TMEM135: variants seen among roughly 807,000 people sequenced by gnomAD.
TMEM135 encodes the protein transmembrane protein 135.
Under a neutral mutation model 60.3 loss-of-function variants are expected in TMEM135, and 30 were observed. The observed-to-expected ratio is 0.50, with a 90% CI of 0.37 to 0.68. The LOEUF (loss-of-function observed/expected upper bound fraction) is 0.68, where lower values mean the gene tolerates loss of function less well. Among genes scored for constraint, TMEM135 ranks in the 30% least tolerant of loss-of-function variants. TMEM135 has a pLI of 0.00. For missense variants in TMEM135, 468 were observed against 548.8 expected (o/e 0.85, Z 1.47); for synonymous variants, 190 against 186.7 (o/e 1.02, Z -0.14).
chr11:87,168,805 T>C (rs1280788233), intron 5 of TMEM135, among the ~76,000 whole-genome samples: 1 of 152,222 alleles, frequency 6.6e-6, no homozygotes, highest in Non-Finnish European at 1.5e-5. Flanking sequence ...GAGATTTCTG[T>C]AGATGTCTAT....
rs574291216 is a variant in TMEM135, at chr11:87,237,404, A to G, written c.509+720A>G. On this transcript the variant is annotated intron_variant, in intron 6 of 14. Coordinates refer to ENST00000305494, the MANE Select transcript of TMEM135 (RefSeq NM_022918.4). ...CCCTCATTTGGATAGATCTTTTTAT[A>G]TATTTATGGATCTAGCAAAATTCAG... Among the ~76,000 whole-genome samples, 5 of 151,974 alleles carry G rather than the reference A, an allele frequency of 3.3e-5. No individual in the cohort carries two copies. The East Asian group carries it at 5.8e-4, about 18-fold the overall frequency.
chr11:87,319,629 C>T (rs1236792365), intron 14 of TMEM135, among the ~76,000 whole-genome samples: 1 of 151,038 alleles, frequency 6.6e-6, no homozygotes, highest in African/African-American at 2.5e-5. Flanking sequence ...TACATAAATA[C>T]TTAAGTCTGA....
intron 4 of TMEM135, among the ~76,000 whole-genome samples, chr11:87,093,898 T>G (rs2512387): frequency 0.41 from 61,830 of 151,904 alleles, 13,709 homozygotes; most frequent in East Asian, 0.65. Context: ...TATTTTAATT[T>G]TAAAAAGATG....
chr11:87,274,719 A>G (rs1057083107), intron 6 of TMEM135, among the ~76,000 whole-genome samples: 15 of 151,300 alleles, frequency 9.9e-5, no homozygotes, highest in African/African-American at 3.6e-4. Context: ...CCAGCAGCTC[A>G]GGAGACTGAG....
chr11:87,150,338 C>G (rs1032713722), intron 4 of TMEM135, among the ~76,000 whole-genome samples: 14 of 152,126 alleles, frequency 9.2e-5, no homozygotes, highest in African/African-American at 3.4e-4. Context: ...CAACCACTTG[C>G]AGTCTTTGCC....
At chr11:87,287,987 A>G (rs1159268624) in intron 6 of TMEM135, among the ~76,000 whole-genome samples, 3 of 152,174 alleles carry the variant, frequency 2.0e-5, no homozygotes, top group Admixed American at 2.0e-4. Flanking sequence ...TACAAATAAT[A>G]TATAAATTTA....
intron 5 of TMEM135, among the ~76,000 whole-genome samples, chr11:87,235,050 G>T (rs1940966738): frequency 1.3e-5 from 2 of 151,726 alleles, no homozygotes; most frequent in Non-Finnish European, 2.9e-5. Context: ...TGTCCAACGG[G>T]GATTGAATGA....
intron 4 of TMEM135, among the ~76,000 whole-genome samples, chr11:87,146,988 A>G (rs544037526): frequency 6.6e-6 from 1 of 152,176 alleles, no homozygotes. Flanking sequence ...AAATCTTTCT[A>G]TAAGATGATG....
chr11:87,093,062 C>G (rs1366006059), intron 4 of TMEM135, among the ~76,000 whole-genome samples: 3 of 152,014 alleles, frequency 2.0e-5, no homozygotes, highest in Non-Finnish European at 4.4e-5. Flanking sequence ...TTTTGGAACT[C>G]CTTTGAGATA....
intron 6 of TMEM135, among the ~76,000 whole-genome samples, chr11:87,272,523 T>A (rs985072972): frequency 6.6e-6 from 1 of 152,110 alleles, no homozygotes. Flanking sequence ...TATAGTGGTG[T>A]GATCACAGCT....
At chr11:87,204,103 T>G (rs2135334731) in intron 5 of TMEM135, among the ~76,000 whole-genome samples, 1 of 152,304 alleles carries the variant, frequency 6.6e-6, no homozygotes, top group Non-Finnish European at 1.5e-5. Context: ...GCTCGTTTAC[T>G]TTCAGTAATC....
intron 8 of TMEM135, among the ~76,000 whole-genome samples, chr11:87,304,430 G>A (rs17821321): frequency 0.24 from 35,956 of 148,078 alleles, 4,514 homozygotes; most frequent in South Asian, 0.28. Flanking sequence ...TCTGGTAGCA[G>A]TGGTTGAGAA....
chr11:87,280,576 A>C (rs1942043587), intron 6 of TMEM135, among the ~76,000 whole-genome samples: 2 of 152,058 alleles, frequency 1.3e-5, no homozygotes, highest in Non-Finnish European at 2.9e-5. Flanking sequence ...TCTTTTTCTG[A>C]ACAGCCTTCA....
chr11:87,040,289 GTGTTGGATAGTTGATTAAA>G (rs375921847), intron 1 of TMEM135, among the ~76,000 whole-genome samples: 3,862 of 152,280 alleles, frequency 0.025, 179 homozygotes, highest in African/African-American at 0.088. Flanking sequence ...CTCTTTGTGA[GTGTTGGATAGTTGATTAAA>G]TGTATACCCC....
intron 6 of TMEM135, among the ~76,000 whole-genome samples, chr11:87,275,304 G>C (rs1464954751): frequency 6.6e-6 from 1 of 151,916 alleles, no homozygotes; most frequent in Non-Finnish European, 1.5e-5. Flanking sequence ...TGCAGAAAAA[G>C]GCATGGCATG....
chr11:87,233,340 TA>T (rs768213840), intron 5 of TMEM135, among the ~76,000 whole-genome samples: 1 of 151,922 alleles, frequency 6.6e-6, no homozygotes, highest in African/African-American at 2.4e-5. Context: ...TCTGATAGAA[TA>T]AAAAAGCAGG....
Position 87,325,784 on chromosome 11 carries a change from G to C in TMEM135, c.*4451G>C, listed in dbSNP as rs1009217649. The C allele has an allele frequency of 4.4e-6, 2 of 453,880 alleles. No homozygotes were observed. Among genetic ancestry groups the C allele is most frequent in the African/African-American group, 2.0e-5 (1 of 50,056 alleles). 28.1% of individuals were successfully genotyped at this position (453,880 alleles called of 1,614,324 possible). On this transcript the variant is annotated 3_prime_UTR_variant, in exon 15 of 15. Coordinates refer to ENST00000305494, the MANE Select transcript of TMEM135 (RefSeq NM_022918.4). ...CAGATATGGAAGGAGATGTTTCTCT[G>C]TATGTGAAGCCTTTAAATCCAGAAC... is the stretch of plus-strand genomic sequence containing the variant.
intron 6 of TMEM135, among the ~76,000 whole-genome samples, chr11:87,265,281 G>T (rs1941726225): frequency 6.6e-6 from 1 of 151,834 alleles, no homozygotes; most frequent in Non-Finnish European, 1.5e-5. Context: ...ATATGTCTTT[G>T]TTATGATTTT....
intron 5 of TMEM135, among the ~76,000 whole-genome samples, chr11:87,189,233 T>C (rs1368699467): frequency 6.8e-6 from 1 of 147,452 alleles, no homozygotes; most frequent in Non-Finnish European, 1.5e-5. Flanking sequence ...TGATCTCGGC[T>C]CACTGCAACC....
Sources: gnomAD v4.1 joint callset for allele counts (sites outside exome capture counted in the v4.1 genomes callset) on GRCh38, gnomAD v4.1.1 for gene constraint, MANE v1.5 for transcripts, NCBI Gene and HGNC (gene_info 2026-07-23, HGNC 2026-07-21) for gene names.